The following PADI6 variants were observed in gnomAD, a reference collection of about 807,000 sequenced individuals.
PADI6 encodes the protein peptidyl arginine deiminase 6.
PADI6 carries 66 observed loss-of-function variants against 78.2 expected under a neutral mutation model. That is an observed-to-expected ratio of 0.84 (90% CI 0.69 to 1.04). The LOEUF is 1.04. Ranked by LOEUF, PADI6 falls within the 50% of genes least tolerant of loss-of-function variation. The pLI, the probability that PADI6 is intolerant of heterozygous loss-of-function variation, is 0.00. For synonymous variants in PADI6, 397 were observed against 346.9 expected (o/e 1.14, Z -1.60); for missense variants, 854 against 866.1 (o/e 0.99, Z 0.18).
intron 8 of PADI6, among the ~76,000 whole-genome samples, chr1:17,391,495 C>T (rs1023229682): frequency 3.9e-5 from 6 of 152,266 alleles, no homozygotes; most frequent in African/African-American, 1.4e-4. Context: ...GCTGGGATTA[C>T]AGGCGTGCGC....
intron 6 of PADI6, among the ~76,000 whole-genome samples, chr1:17,386,061 G>C (rs80317991): frequency 7.0e-6 from 1 of 143,848 alleles, no homozygotes; most frequent in Admixed American, 7.0e-5. Context: ...AGGGTGGGTA[G>C]GGAGAGTTTG....
chr1:17,387,697 G>T (rs1387437994), intron 6 of PADI6, among the ~76,000 whole-genome samples: 1 of 152,216 alleles, frequency 6.6e-6, no homozygotes, highest in Non-Finnish European at 1.5e-5. Context: ...CTTACAGTGA[G>T]CTGAGATCAC....
At chr1:17,398,658 C>CG (rs2075270553) in intron 14 of PADI6, 28 bp from the exon 15 acceptor site, 1 of 111,998 alleles carries the variant, frequency 8.9e-6, no homozygotes. Flanking sequence ...TCCCCCGCCC[C>CG]CCCCCCCACC....
At chr1:17,372,945 A>G in intron 1 of PADI6, 111 bp from the exon 2 acceptor site, 1 of 1,155,806 alleles carries the variant, frequency 8.7e-7, no homozygotes, top group Non-Finnish European at 1.2e-6. Context: ...CTCTGCCTCA[A>G]CACCCTAAGG....
intron 3 of PADI6, among the ~76,000 whole-genome samples, chr1:17,379,644 C>T (rs74058760): frequency 0.028 from 4,252 of 152,204 alleles, 221 homozygotes; most frequent in African/African-American, 0.096. Context: ...TGGGTAGAGG[C>T]TGAAAGGCAT....
In PADI6 at chr1:17,394,434, T is replaced by C. The variant is rs560030607; in HGVS notation, c.1317T>C (p.Ile439=). ...GKEYPLGRVL[I]GSSFYPSAEG... is the part of the protein sequence containing the mutation. The stretch of plus-strand genomic sequence containing the variant: ...AGTACCCGCTGGGCAGAGTCCTCAT[T>C]GGCAGCAGCTTTTACCCCAGGTGAG... Residue 439 remains isoleucine, a synonymous_variant, in exon 11 of 16, where the codon ATT becomes ATC. Coordinates refer to ENST00000619609, the MANE Select transcript of PADI6 (RefSeq NM_207421.4). 1 of 1,613,348 alleles carries C rather than the reference T, an allele frequency of 6.2e-7. No individual in the cohort carries two copies. Among genetic ancestry groups the C allele is most frequent in the East Asian group, 2.2e-5 (1 of 44,868 alleles).
rs368985542 is a variant in PADI6, at chr1:17,372,235, C to T, written c.-11C>T. The T allele has an allele frequency of 4.3e-5, 69 of 1,612,236 alleles. No homozygotes were observed. The Middle Eastern group carries it at 2.3e-3, about 54-fold the overall frequency. ...GCTGTGCTGAGTGAGGGCTGCGGTG[C>T]AGGCCTGAGGATGGTCAGCGTGGAG... On this transcript the variant is annotated 5_prime_UTR_variant, in exon 1 of 16. Transcript: ENST00000619609.
At chr1:17,393,297 G>T (rs1209646531) in intron 9 of PADI6, among the ~76,000 whole-genome samples, 1 of 152,140 alleles carries the variant, frequency 6.6e-6, no homozygotes, top group Non-Finnish European at 1.5e-5. Flanking sequence ...AGCATGAATC[G>T]GGAATGAAAG....
At chr1:17,398,483 C>A (rs1216149475) in intron 14 of PADI6, among the ~76,000 whole-genome samples, 2 of 152,134 alleles carry the variant, frequency 1.3e-5, no homozygotes, top group South Asian at 2.1e-4. Context: ...CATTCCTGAG[C>A]CCCTACTTCC....
In PADI6 at chr1:17,397,071, G is replaced by C; in HGVS notation, c.1619G>C (p.Gly540Ala). Residue 540 changes from glycine to alanine, a missense_variant and splice_region_variant, in exon 14 of 16, where the codon GGA becomes GCA. Coordinates refer to ENST00000619609, the MANE Select transcript of PADI6 (RefSeq NM_207421.4). ...GCCTGCTGCCCGCTTCTTCCTACAG[G>C]AAGGGAAGCCAAAACCATCGACCAA... is the stretch of plus-strand genomic sequence containing the variant. ...ELRADQLLSN[G>A]REAKTIDQLL... 6.2e-7 allele frequency: 1 copy of C among 1,613,688 alleles called. No homozygotes were observed. The highest frequency in any genetic ancestry group is 1.3e-5 in the African/African-American group (1 of 75,068).
chr1:17,376,463 C>T (rs909200376), intron 3 of PADI6, among the ~76,000 whole-genome samples: 36 of 150,574 alleles, frequency 2.4e-4, no homozygotes, highest in African/African-American at 8.6e-4. Flanking sequence ...CCATGCCCGG[C>T]TAATTTTTTT....
intron 14 of PADI6, among the ~76,000 whole-genome samples, chr1:17,397,828 G>A (rs1193804069): frequency 6.6e-6 from 1 of 152,158 alleles, no homozygotes; most frequent in African/African-American, 2.4e-5. Flanking sequence ...TACTCAAGCT[G>A]CCTGGGGTCC....
chr1:17,393,008 T>C (rs1315449082), intron 9 of PADI6, among the ~76,000 whole-genome samples: 1 of 152,042 alleles, frequency 6.6e-6, no homozygotes, highest in Non-Finnish European at 1.5e-5. Flanking sequence ...CAGCCGGGCA[T>C]GGTGGCGCGC....
chr1:17,393,554 T>C (rs2075212788), intron 9 of PADI6, among the ~76,000 whole-genome samples: 2 of 151,982 alleles, frequency 1.3e-5, no homozygotes, highest in African/African-American at 4.8e-5. Flanking sequence ...CAGACTGGAG[T>C]GCAGTGGCGC....
chr1:17,387,748 C>A (rs2075135875), intron 6 of PADI6, among the ~76,000 whole-genome samples: 1 of 152,160 alleles, frequency 6.6e-6, no homozygotes, highest in Admixed American at 6.6e-5. Flanking sequence ...AAGACTCCCT[C>A]TCAAAAACAC....
rs2075056661 is a variant in PADI6, at chr1:17,379,944, A to G, written c.392A>G (p.Tyr131Cys). The G allele has an allele frequency of 6.2e-7, 1 of 1,613,480 alleles. No individual in the cohort carries two copies. Among genetic ancestry groups the G allele is most frequent in the Admixed American group, 1.7e-5 (1 of 60,000 alleles). ...GAGGTCTCTCTAGAGGTAGACATCT[A>G]CCGCAATGGGCAAGTTGAGATGTCA... ...GIEVSLEVDIYRNGQVEMSSD... is the reference protein window; with the variant it reads ...GIEVSLEVDICRNGQVEMSSD... Residue 131 changes from tyrosine (Y) to cysteine (C), a missense_variant, in exon 4 of 16, where the codon TAC becomes TGC. Tyr to Cys is a radical substitution (Grantham distance 194, BLOSUM62 -2). Coordinates refer to ENST00000619609, the MANE Select transcript of PADI6 (RefSeq NM_207421.4).
At position 17,382,000 on chromosome 1, in the gene PADI6, T is replaced by TC. The variant is rs781444420; in HGVS notation, c.589dup (p.Gln197ProfsTer38). 1 of 1,613,902 alleles carries TC rather than the reference T, an allele frequency of 6.2e-7. No individual in the cohort carries two copies. The highest frequency in any genetic ancestry group is 1.7e-5 in the Admixed American group (1 of 60,008). The stretch of plus-strand genomic sequence containing the variant: ...AATCTGTCCCAGATGACTCTGAATG[T>TC]CCAAGGCCCCAGCTGTATCTTAAAG... On this transcript the variant is annotated frameshift_variant, in exon 6 of 16. Coordinates refer to ENST00000619609, the MANE Select transcript of PADI6 (RefSeq NM_207421.4). LOFTEE classifies it high-confidence loss of function.
chr1:17,395,187 T>G, intron 12 of PADI6, 80 bp downstream of exon 12: 2 of 1,463,626 alleles, frequency 1.4e-6, no homozygotes, highest in Non-Finnish European at 1.8e-6. Flanking sequence ...GAGAGAAAAC[T>G]GGCTTTTTCT....
chr1:17,399,449 G>A (rs533823320), intron 15 of PADI6, among the ~76,000 whole-genome samples: 1 of 152,186 alleles, frequency 6.6e-6, no homozygotes, highest in African/African-American at 2.4e-5. Context: ...TACAAAATTA[G>A]TTGGGTGTGG....
Sources: gnomAD v4.1 joint callset for allele counts (sites outside exome capture counted in the v4.1 genomes callset) on GRCh38, gnomAD v4.1.1 for gene constraint, MANE v1.5 for transcripts, NCBI Gene and HGNC (gene_info 2026-07-23, HGNC 2026-07-21) for gene names.